TET1: variants seen among roughly 807,000 people sequenced by gnomAD.
TET1 encodes the protein methylcytosine dioxygenase TET1.
TET1 carries 13 observed loss-of-function variants against 148.7 expected under a neutral mutation model. The ratio of observed to expected loss-of-function variants is 0.09; its 90% CI spans 0.06 to 0.14. TET1 has a LOEUF of 0.14. Among genes scored for constraint, TET1 ranks in the 10% least tolerant of loss-of-function variants. The pLI, the probability that TET1 is intolerant of heterozygous loss-of-function variation, is 1.00. For missense variants in TET1, 2,182 were observed against 2,553.8 expected (o/e 0.85, Z 3.14); for synonymous variants, 907 against 937.2 (o/e 0.97, Z 0.59).
At chr10:68,574,360 T>G in intron 2 of TET1, 108 bp downstream of exon 2, 1 of 845,932 alleles carries the variant, frequency 1.2e-6, no homozygotes, top group Non-Finnish European at 1.8e-6. Context: ...GTGAATTGCT[T>G]CACTATTACA....
In TET1 at chr10:68,645,372, G is replaced by A; in HGVS notation, c.2643G>A (p.Met881Ile). The A allele has an allele frequency of 6.2e-7, 1 of 1,614,100 alleles. No individual in the cohort carries two copies. Among genetic ancestry groups the A allele is most frequent in the Non-Finnish European group, 8.5e-7 (1 of 1,180,028 alleles). ...TTCAACCAAGTCTCTTATCGTTAAT[G>A]AAAGATAGGAGATTAACATTGGAGC... is the stretch of plus-strand genomic sequence containing the variant. ...SPVQPSLLSLMKDRRLTLEQV... is the reference protein window; with the variant it reads ...SPVQPSLLSLIKDRRLTLEQV... Residue 881 changes from methionine (M) to isoleucine (I), a missense_variant, in exon 4 of 12, where the codon ATG becomes ATA. By Grantham distance (10) the Met-to-Ile change is conservative. Around this residue, in one of 11 missense-constraint regions of TET1, gnomAD observed 582 missense variants for 599.5 expected, o/e 0.97. Transcript: ENST00000373644.
At chr10:68,605,791 A>T (rs149102124) in intron 3 of TET1, among the ~76,000 whole-genome samples, 1 of 152,338 alleles carries the variant, frequency 6.6e-6, no homozygotes, top group African/African-American at 2.4e-5. Flanking sequence ...CTGGGATTAC[A>T]GGTGTGAGCA....
chr10:68,664,576 C>T lies in TET1; in HGVS notation c.4462-2469C>T, dbSNP rs1043456077. On this transcript the variant is annotated intron_variant, in intron 6 of 11. Coordinates refer to ENST00000373644, the MANE Select transcript of TET1 (RefSeq NM_030625.3). Reference sequence around the variant, plus strand: ...TCATTTTTGTGTTTTATTGAAGAGACAAGGTCTCACCATGTTGCCCAAGCT... The same window carrying T: ...TCATTTTTGTGTTTTATTGAAGAGATAAGGTCTCACCATGTTGCCCAAGCT... Among the ~76,000 whole-genome samples the T allele has an allele frequency of 4.7e-5, 7 of 149,472 alleles. No individual in the cohort carries two copies. In the East Asian group the frequency reaches 1.4e-3, roughly 30 times the overall value.
chr10:68,678,501 G>C (rs1444745722), intron 8 of TET1, among the ~76,000 whole-genome samples: 3 of 152,154 alleles, frequency 2.0e-5, no homozygotes, highest in African/African-American at 7.2e-5. Flanking sequence ...TGTAATCCCC[G>C]TACTTTGGGA....
intron 3 of TET1, among the ~76,000 whole-genome samples, chr10:68,605,212 C>T (rs2054107027): frequency 6.6e-6 from 1 of 152,170 alleles, no homozygotes; most frequent in South Asian, 2.1e-4. Flanking sequence ...GTGGCTCAGG[C>T]CTGTAATCCC....
intron 8 of TET1, 38 bp downstream of exon 8, chr10:68,673,083 A>G (rs913745731): frequency 1.9e-6 from 3 of 1,574,278 alleles, no homozygotes; most frequent in Admixed American, 1.7e-5. Flanking sequence ...TTATTTTTGA[A>G]TTACACATTG....
intron 4 of TET1, among the ~76,000 whole-genome samples, 200 bp from the exon 5 acceptor site, chr10:68,651,646 G>A (rs896832993): frequency 9.2e-5 from 14 of 151,722 alleles, no homozygotes; most frequent in Admixed American, 9.2e-4. Flanking sequence ...GAAAGAATTC[G>A]TTAGGGGCAG....
intron 6 of TET1, among the ~76,000 whole-genome samples, chr10:68,659,529 G>A (rs1249485556): frequency 2.6e-5 from 4 of 152,046 alleles, no homozygotes; most frequent in Admixed American, 2.6e-4. Context: ...ATGTTACCCA[G>A]GCTGGTCTCG....
intron 2 of TET1, among the ~76,000 whole-genome samples, chr10:68,595,971 CACACACAT>C (rs200497337): frequency 0.011 from 529 of 47,178 alleles, 16 homozygotes; most frequent in African/African-American, 0.037. Context: ...TACACACACA[CACACACAT>C]ATATACACAC....
chr10:68,582,300 T>C (rs887265896), intron 2 of TET1, among the ~76,000 whole-genome samples: 1 of 152,138 alleles, frequency 6.6e-6, no homozygotes, highest in Non-Finnish European at 1.5e-5. Context: ...TGTTTCTCCA[T>C]GTTGGTCAGG....
intron 4 of TET1, among the ~76,000 whole-genome samples, chr10:68,648,422 G>A (rs117507694): frequency 5.3e-5 from 8 of 152,266 alleles, no homozygotes; most frequent in Non-Finnish European, 1.0e-4. Flanking sequence ...ATTAAAGTTC[G>A]TTAGGCTGCT....
intron 2 of TET1, among the ~76,000 whole-genome samples, chr10:68,591,638 C>T (rs1464828107): frequency 3.3e-5 from 5 of 152,192 alleles, no homozygotes; most frequent in Non-Finnish European, 7.3e-5. Flanking sequence ...CACAGTGGCT[C>T]ACACCTGTAA....
chr10:68,685,051 T>A (rs1418754926), intron 10 of TET1, among the ~76,000 whole-genome samples: 1 of 152,080 alleles, frequency 6.6e-6, no homozygotes, highest in African/African-American at 2.4e-5. Context: ...ACCCAGGATC[T>A]TGAGTGTAGC....
chr10:68,659,281 G>A (rs2055070787), intron 6 of TET1, among the ~76,000 whole-genome samples: 1 of 129,942 alleles, frequency 7.7e-6, no homozygotes. Context: ...CCCTCTGTGC[G>A]ATTGTGTATT....
At position 68,645,525 on chromosome 10, in the gene TET1, T is replaced by A; in HGVS notation, c.2796T>A (p.Ala932=). 6.2e-7 allele frequency: 1 copy of A among 1,614,128 alleles called. No homozygotes were observed. Among genetic ancestry groups the A allele is most frequent in the Non-Finnish European group, 8.5e-7 (1 of 1,180,040 alleles). Residue 932 remains alanine, a synonymous_variant, in exon 4 of 12, where the codon GCT becomes GCA. Transcript: ENST00000373644. ...RTASLLNSCK[A]ILYTVRKDLQ... ...CCAGTTTGCTTAATAGCTGCAAAGC[T>A]ATCCTCTACACTGTAAGAAAAGACC...
chr10:68,647,815 G>A (rs559305505), intron 4 of TET1, among the ~76,000 whole-genome samples: 8 of 152,074 alleles, frequency 5.3e-5, no homozygotes, highest in African/African-American at 1.9e-4. Flanking sequence ...ATTGAAGCTG[G>A]TTTATGTCTT....
intron 3 of TET1, among the ~76,000 whole-genome samples, chr10:68,643,261 C>CAAAAA (rs59820865): frequency 0.011 from 999 of 91,736 alleles, 53 homozygotes; most frequent in African/African-American, 0.046. Context: ...GACCCTGTCT[C>CAAAAA]AAAAAAAAAA....
chr10:68,595,602 C>A (rs1390980706), intron 2 of TET1, among the ~76,000 whole-genome samples: 1 of 129,902 alleles, frequency 7.7e-6, no homozygotes, highest in Non-Finnish European at 1.7e-5. Context: ...CACACACACA[C>A]ACACAGCTTC....
chr10:68,600,019 A>G (rs2054033694), intron 2 of TET1, among the ~76,000 whole-genome samples: 1 of 152,066 alleles, frequency 6.6e-6, no homozygotes, highest in Admixed American at 6.6e-5. Flanking sequence ...CAGAAATCAA[A>G]TTGCTGTGTT....
Sources: allele counts gnomAD v4.1 joint callset (sites outside exome capture counted in the v4.1 genomes callset), GRCh38; gene constraint gnomAD v4.1.1; regional missense constraint gnomAD v4.1.1; transcripts MANE v1.5; gene names NCBI Gene and HGNC (gene_info 2026-07-23, HGNC 2026-07-21).